The following RPS6KA2 variants were observed in gnomAD, a reference collection of about 807,000 sequenced individuals.
RPS6KA2 encodes the protein ribosomal protein S6 kinase alpha-2.
In RPS6KA2, 42 loss-of-function variants were observed where a neutral mutation model predicts 91.8. The ratio of observed to expected loss-of-function variants is 0.46; its 90% CI spans 0.36 to 0.59. The LOEUF is 0.59. Among genes scored for constraint, RPS6KA2 ranks in the 20% least tolerant of loss-of-function variants. The pLI is 0.00. For synonymous variants in RPS6KA2, 414 were observed against 393.6 expected, an observed-to-expected ratio of 1.05 and a Z score of -0.61; for missense variants, 798 against 978.5, an observed-to-expected ratio of 0.82 and a Z score of 2.46.
Position 166,770,929 on chromosome 6 carries a change from C to G in RPS6KA2, c.123+87271G>C. Reference sequence around the variant, plus strand: ...CACTTTTGCCCTGTGAAAATGGAAACGAAGAAAGAATTCCTTTAAGTCACA... The same window carrying G: ...CACTTTTGCCCTGTGAAAATGGAAAGGAAGAAAGAATTCCTTTAAGTCACA... On this transcript the variant is annotated intron_variant, in intron 2 of 21. Coordinates refer to the RPS6KA2 transcript ENST00000503859. This position sits in a 1 kb window ranked among gnomAD's most constrained non-coding sequence, Gnocchi z 5.1. The G allele has an allele frequency of 6.3e-7, 1 of 1,593,284 alleles. No homozygotes were observed. Among genetic ancestry groups the G allele is most frequent in the Non-Finnish European group, 8.5e-7 (1 of 1,178,536 alleles).
chr6:166,647,676 A>G (rs1322757276), intron 2 of RPS6KA2, among the ~76,000 whole-genome samples: 1 of 152,148 alleles, frequency 6.6e-6, no homozygotes, highest in Non-Finnish European at 1.5e-5. Flanking sequence ...CCATTTAGCC[A>G]ATTGCCTCTC....
At chr6:166,756,289 C>CA (rs112995995) in intron 2 of RPS6KA2, among the ~76,000 whole-genome samples, 178 of 150,122 alleles carry the variant, frequency 1.2e-3, no homozygotes, top group African/African-American at 3.5e-3. Flanking sequence ...GACTCCGTCT[C>CA]AAAAAAAAAC....
chr6:166,535,121 T>A (rs1168992225), intron 2 of RPS6KA2, among the ~76,000 whole-genome samples: 1 of 152,214 alleles, frequency 6.6e-6, no homozygotes, highest in African/African-American at 2.4e-5. Flanking sequence ...GTGGGCGCTG[T>A]GTGTGCCCCC....
At chr6:166,724,494 A>C (rs1489979917) in intron 2 of RPS6KA2, among the ~76,000 whole-genome samples, 1 of 151,744 alleles carries the variant, frequency 6.6e-6, no homozygotes, top group East Asian at 1.9e-4. Flanking sequence ...TTACTCTTTC[A>C]CAGACACATT....
At position 166,453,197 on chromosome 6, in the gene RPS6KA2, T is replaced by TCACACACACA. The variant is rs149702729; in HGVS notation, c.1076-1974_1076-1965dup. Among the ~76,000 whole-genome samples, 719 of 141,222 alleles carry TCACACACACA rather than the reference T, an allele frequency of 5.1e-3. 3 individuals carry two copies. Among genetic ancestry groups the TCACACACACA allele is most frequent in the African/African-American group, 0.017 (678 of 38,778 alleles). 92.6% of individuals were successfully genotyped at this position (141,222 alleles called of 152,430 possible). A position where few individuals can be genotyped will look rare whatever the true frequency, so the allele number is the denominator to read the frequency against. Reference sequence around the variant, plus strand: ...GCCTGGGCGACAGAGTGAGACTCCATCACACACACACACACACACACACAC... The same window carrying TCACACACACA: ...GCCTGGGCGACAGAGTGAGACTCCATCACACACACACACACACACACACACACACACACAC... On this transcript the variant is annotated intron_variant, in intron 12 of 20. Coordinates refer to ENST00000265678, the MANE Select transcript of RPS6KA2 (RefSeq NM_021135.6).
At chr6:166,802,387 A>G (rs562695427) in intron 2 of RPS6KA2, among the ~76,000 whole-genome samples, 10 of 152,304 alleles carry the variant, frequency 6.6e-5, no homozygotes, top group Admixed American at 5.9e-4. Flanking sequence ...AAGGAAAAAA[A>G]CTCTAGAAAA....
chr6:166,715,054 G>A (rs568743208), intron 2 of RPS6KA2, among the ~76,000 whole-genome samples: 1 of 152,340 alleles, frequency 6.6e-6, no homozygotes, highest in Admixed American at 6.5e-5. Flanking sequence ...AGGGGGCTGA[G>A]GAGCAAACCT....
intron 1 of RPS6KA2, among the ~76,000 whole-genome samples, chr6:166,549,582 A>G (rs971112892): frequency 5.3e-5 from 8 of 152,206 alleles, no homozygotes; most frequent in African/African-American, 1.7e-4. Flanking sequence ...TTCCATTTAC[A>G]TATTTTTTGA....
intron 2 of RPS6KA2, among the ~76,000 whole-genome samples, chr6:166,763,223 G>A (rs777803578): frequency 1.3e-5 from 2 of 152,162 alleles, no homozygotes; most frequent in Non-Finnish European, 2.9e-5. Flanking sequence ...GCAAAGCCAA[G>A]AATAATTTTA....
intron 2 of RPS6KA2, among the ~76,000 whole-genome samples, chr6:166,741,322 C>CA (rs1358943245): frequency 4.6e-5 from 7 of 152,282 alleles, no homozygotes; most frequent in Admixed American, 1.3e-4. Context: ...GAGAGCTCTA[C>CA]AAAGGGAACG....
At chr6:166,823,378 C>A (rs975757735) in intron 2 of RPS6KA2, among the ~76,000 whole-genome samples, 1 of 151,706 alleles carries the variant, frequency 6.6e-6, no homozygotes, top group Non-Finnish European at 1.5e-5. Context: ...AAAGACCTGA[C>A]ATTTGATGAT....
chr6:166,764,589 G>T (rs867404878), intron 2 of RPS6KA2, among the ~76,000 whole-genome samples: 1 of 152,162 alleles, frequency 6.6e-6, no homozygotes, highest in South Asian at 2.1e-4. Context: ...GGGGCAAGGA[G>T]CAGGGGGTTG....
In RPS6KA2 at chr6:166,412,780, G is replaced by A; in HGVS notation, c.2184C>T (p.Leu728=). The A allele has an allele frequency of 6.3e-7, 1 of 1,598,670 alleles. No individual in the cohort carries two copies. Among genetic ancestry groups the A allele is most frequent in the Non-Finnish European group, 8.5e-7 (1 of 1,174,282 alleles). Residue 728 remains leucine, a synonymous_variant, in exon 21 of 21, where the codon CTC becomes CTT. Transcript: ENST00000265678. This position sits in a 1 kb window ranked among gnomAD's most constrained non-coding sequence, Gnocchi z 4.3. ...NLAQRRGMKR[L]TSTRL ...CCACCCGCTACAGCCGCGTGGACGTGAGTCTCTTCATGCCTCTGCGCTGAG... is the reference window on the plus strand; with the variant it reads ...CCACCCGCTACAGCCGCGTGGACGTAAGTCTCTTCATGCCTCTGCGCTGAG...
intron 14 of RPS6KA2, among the ~76,000 whole-genome samples, chr6:166,441,904 C>T (rs993329613): frequency 1.3e-5 from 2 of 152,206 alleles, no homozygotes; most frequent in African/African-American, 2.4e-5. Context: ...CTAGGGGCCT[C>T]GCAGCTGAGT....
At position 166,825,027 on chromosome 6, in the gene RPS6KA2, C is replaced by T. The variant is rs1313715581; in HGVS notation, c.123+33173G>A. Among the ~76,000 whole-genome samples the T allele has an allele frequency of 6.6e-6, 1 of 152,256 alleles. No homozygotes were observed. The highest frequency in any genetic ancestry group is 1.5e-5 in the Non-Finnish European group (1 of 68,040). On this transcript the variant is annotated intron_variant, in intron 2 of 21. Coordinates refer to the RPS6KA2 transcript ENST00000503859. This position sits in a 1 kb window ranked among gnomAD's most constrained non-coding sequence, Gnocchi z 4.1. ...GCGGAGCACCCCAGGGAGCTGCCTT[C>T]CCGTCCGTCTTCTGCCTCCACCCAC...
intron 1 of RPS6KA2, among the ~76,000 whole-genome samples, chr6:166,578,227 C>T (rs1308866820): frequency 6.6e-6 from 1 of 152,174 alleles, no homozygotes; most frequent in Non-Finnish European, 1.5e-5. Context: ...CAACGTGTTC[C>T]TTCCCTCAGA....
At chr6:166,555,339 C>T (rs750227073) in intron 1 of RPS6KA2, among the ~76,000 whole-genome samples, 11 of 152,154 alleles carry the variant, frequency 7.2e-5, no homozygotes, top group East Asian at 1.9e-4. Context: ...CTGGGCTCTC[C>T]GACCTTGGAG....
At chr6:166,827,941 T>C (rs921404153) in intron 2 of RPS6KA2, among the ~76,000 whole-genome samples, 3 of 152,244 alleles carry the variant, frequency 2.0e-5, no homozygotes, top group Non-Finnish European at 4.4e-5. Context: ...ATAAGGTGCC[T>C]CAACTTCCTC....
At chr6:166,452,730 C>T (rs6902308) in intron 12 of RPS6KA2, among the ~76,000 whole-genome samples, 285 of 152,074 alleles carry the variant, frequency 1.9e-3, no homozygotes, top group African/African-American at 6.3e-3. Context: ...TAAATGATAC[C>T]GGGAAAATTA....
Sources: gnomAD v4.1 joint callset for allele counts (sites outside exome capture counted in the v4.1 genomes callset) on GRCh38, gnomAD v4.1.1 for gene constraint, Gnocchi (gnomAD v3.1) non-coding constraint, MANE v1.5 for transcripts, NCBI Gene and HGNC (gene_info 2026-07-23, HGNC 2026-07-21) for gene names.